B3GALT1: variants seen among roughly 807,000 people sequenced by gnomAD.
B3GALT1 encodes the protein UDP-Gal:betaGlcNAc beta 1,3-galactosyltransferase, polypeptide 1.
B3GALT1 carries 10 observed loss-of-function variants against 23.2 expected under a neutral mutation model. The ratio of observed to expected loss-of-function variants is 0.43; its 90% CI spans 0.27 to 0.73. The LOEUF is 0.73. B3GALT1 is among the 30% of genes least tolerant of loss of function. B3GALT1 has a pLI of 0.21. For missense variants in B3GALT1, 299 were observed against 405.4 expected (o/e 0.74, Z 2.25); for synonymous variants, 156 against 141.5 (o/e 1.10, Z -0.73).
At chr2:167,753,012 A>G (rs1019391351) in intron 3 of B3GALT1, among the ~76,000 whole-genome samples, 1 of 152,204 alleles carries the variant, frequency 6.6e-6, no homozygotes, top group African/African-American at 2.4e-5. Context: ...ATCTGCCTGT[A>G]GGTCCACAGT....
chr2:167,777,116 T>C (rs1688174812), intron 3 of B3GALT1, among the ~76,000 whole-genome samples: 1 of 152,196 alleles, frequency 6.6e-6, no homozygotes, highest in Non-Finnish European at 1.5e-5. Flanking sequence ...ATCAGGCATA[T>C]AGTTGACTTT....
intron 1 of B3GALT1, among the ~76,000 whole-genome samples, chr2:167,359,466 G>A (rs976056185): frequency 2.0e-5 from 3 of 152,076 alleles, no homozygotes; most frequent in Non-Finnish European, 2.9e-5. Flanking sequence ...TGTCCCTTCC[G>A]GATACAGTAG....
intron 4 of B3GALT1, among the ~76,000 whole-genome samples, chr2:167,844,040 C>A (rs1284603759): frequency 6.6e-6 from 1 of 152,084 alleles, no homozygotes; most frequent in Admixed American, 6.5e-5. Context: ...GCCTATTAGA[C>A]GAAATATCTA....
intron 4 of B3GALT1, among the ~76,000 whole-genome samples, chr2:167,841,318 C>G (rs1417634700): frequency 6.6e-6 from 1 of 151,912 alleles, no homozygotes. Context: ...GCACAACATG[C>G]TTAGCCTTAC....
At chr2:167,862,496 A>C (rs1221191678) in intron 4 of B3GALT1, among the ~76,000 whole-genome samples, 3 of 152,214 alleles carry the variant, frequency 2.0e-5, no homozygotes, top group Non-Finnish European at 4.4e-5. Context: ...TTCCTTACTC[A>C]GCCTACCGAT....
intron 1 of B3GALT1, among the ~76,000 whole-genome samples, chr2:167,302,608 T>G: frequency 6.6e-6 from 1 of 152,182 alleles, no homozygotes. Flanking sequence ...TTGCATTTTG[T>G]AATTAAAATA....
At chr2:167,597,305 C>T (rs1174472289) in intron 2 of B3GALT1, among the ~76,000 whole-genome samples, 6 of 151,616 alleles carry the variant, frequency 4.0e-5, no homozygotes, top group Admixed American at 1.3e-4. Flanking sequence ...TCAGTAGAGA[C>T]GGGGTTTCAC....
intron 3 of B3GALT1, among the ~76,000 whole-genome samples, chr2:167,659,623 G>T (rs1434319467): frequency 6.6e-6 from 1 of 152,030 alleles, no homozygotes; most frequent in African/African-American, 2.4e-5. Flanking sequence ...CCTGTGCTGG[G>T]CTCTGTCTTC....
At chr2:167,352,699 C>T (rs1041906505) in intron 1 of B3GALT1, among the ~76,000 whole-genome samples, 5 of 147,696 alleles carry the variant, frequency 3.4e-5, no homozygotes, top group African/African-American at 7.5e-5. Context: ...CCAGCCTGGG[C>T]GACAGAGCGA....
At chr2:167,789,055 A>C (rs1461660224) in intron 3 of B3GALT1, among the ~76,000 whole-genome samples, 2 of 152,046 alleles carry the variant, frequency 1.3e-5, no homozygotes, top group African/African-American at 4.8e-5. Flanking sequence ...AGCTCCCTCG[A>C]TTTCTTTCAA....
intron 2 of B3GALT1, among the ~76,000 whole-genome samples, chr2:167,555,097 G>T (rs1683819734): frequency 6.6e-6 from 1 of 152,136 alleles, no homozygotes; most frequent in African/African-American, 2.4e-5. Context: ...TATATGCCAT[G>T]GGAATGCATA....
chr2:167,639,466 A>G (rs1446000971), intron 2 of B3GALT1, among the ~76,000 whole-genome samples: 2 of 152,068 alleles, frequency 1.3e-5, no homozygotes. Context: ...CCAAGCAGAA[A>G]CACATTAAGG....
chr2:167,456,756 G>C (rs923128717), intron 1 of B3GALT1, among the ~76,000 whole-genome samples: 2 of 152,094 alleles, frequency 1.3e-5, no homozygotes, highest in Admixed American at 6.6e-5. Flanking sequence ...CATTCATTAG[G>C]GATATGGGTG....
chr2:167,867,179 G>A lies in B3GALT1; in HGVS notation c.-229-1632G>A, dbSNP rs555101269. Among the ~76,000 whole-genome samples the A allele has an allele frequency of 7.3e-3, 1,113 of 152,220 alleles. 12 individuals are homozygous for A. The highest frequency in any genetic ancestry group is 0.051 in the Middle Eastern group (15 of 294). ...CTGACCTCGTGATCCGCCCCCCTTG[G>A]CCTCCCAAAGTGCTGGGATTACAGG... On this transcript the variant is annotated intron_variant, in intron 4 of 4. Transcript: ENST00000392690.
intron 2 of B3GALT1, among the ~76,000 whole-genome samples, chr2:167,579,915 C>G (rs1250472367): frequency 2.0e-5 from 3 of 152,064 alleles, no homozygotes; most frequent in Admixed American, 2.0e-4. Context: ...AAGTTCCTAG[C>G]CTTTACATAG....
chr2:167,469,115 G>A lies in B3GALT1; in HGVS notation c.-510-21062G>A, dbSNP rs575546209. 1.1e-3 allele frequency among the ~76,000 whole-genome samples: 165 copies of A among 152,308 alleles called. 1 individual carries two copies. The highest frequency in any genetic ancestry group is 1.7e-3 in the Non-Finnish European group (113 of 68,030). ...ACACTCATTCTACAATAACAGAATT[G>A]TAGCAATCAAATATGTAAGGTGAGC... On this transcript the variant is annotated intron_variant, in intron 1 of 4. Coordinates refer to ENST00000392690, the MANE Select transcript of B3GALT1 (RefSeq NM_020981.4).
chr2:167,505,944 C>T lies in B3GALT1; in HGVS notation c.-410+15667C>T, dbSNP rs142784879. Among the ~76,000 whole-genome samples, 1,066 of 152,120 alleles carry T rather than the reference C, an allele frequency of 7.0e-3. 7 individuals are homozygous for T. Among genetic ancestry groups the T allele is most frequent in the African/African-American group, 0.021 (871 of 41,494 alleles). On this transcript the variant is annotated intron_variant, in intron 2 of 4. Coordinates refer to ENST00000392690, the MANE Select transcript of B3GALT1 (RefSeq NM_020981.4). ...GCGTGGTGGCGGGCTCCTGTAGTCC[C>T]GGCTACTTGGGAGGCTGAGGCAGGA...
intron 2 of B3GALT1, among the ~76,000 whole-genome samples, chr2:167,615,971 C>G (rs976014253): frequency 1.3e-5 from 2 of 152,044 alleles, no homozygotes; most frequent in African/African-American, 4.8e-5. Flanking sequence ...AGACTGTGCT[C>G]TGCTCATTCT....
At chr2:167,680,720 A>C (rs1686514536) in intron 3 of B3GALT1, among the ~76,000 whole-genome samples, 1 of 152,190 alleles carries the variant, frequency 6.6e-6, no homozygotes. Context: ...AAAATGTAGC[A>C]CTAGAATGAG....
Sources: allele counts gnomAD v4.1 joint callset (sites outside exome capture counted in the v4.1 genomes callset), GRCh38; gene constraint gnomAD v4.1.1; transcripts MANE v1.5; gene names NCBI Gene and HGNC (gene_info 2026-07-23, HGNC 2026-07-21).